NR2F2: variants seen among roughly 807,000 people sequenced by gnomAD.
NR2F2 encodes nuclear receptor subfamily 2 group F member 2, also known as COUP transcription factor 2.
NR2F2 carries 2 observed loss-of-function variants against 34.8 expected under a neutral mutation model. That is an observed-to-expected ratio of 0.06 (90% CI 0.02 to 0.18). The LOEUF (loss-of-function observed/expected upper bound fraction) is 0.18. Among genes scored for constraint, NR2F2 ranks in the 10% least tolerant of loss-of-function variants. The probability of loss-of-function intolerance (pLI) is 1.00; values close to 1 mark genes in which losing one functional copy is unlikely to be tolerated. For synonymous variants in NR2F2, 274 were observed against 251.8 expected, an observed-to-expected ratio of 1.09 and a Z score of -0.84; for missense variants, 300 against 580.1, an observed-to-expected ratio of 0.52 and a Z score of 4.96.
chr15:96,331,227 G>C lies in NR2F2; in HGVS notation c.-879G>C, dbSNP rs1428656779. The C allele has an allele frequency of 1.0e-6, 1 of 982,386 alleles. No individual in the cohort carries two copies. The highest frequency in any genetic ancestry group is 1.8e-5 in the African/African-American group (1 of 56,294). 60.9% of individuals were successfully genotyped at this position (982,386 alleles called of 1,614,324 possible). A position where few individuals can be genotyped will look rare whatever the true frequency, so the allele number is the denominator to read the frequency against. ...GAACGGCGAGCGGCCTCCACCCAGC[G>C]ACTGCGGGCGGCGGCGGCCGGAGAG... On this transcript the variant is annotated 5_prime_UTR_variant, in exon 1 of 3. Coordinates refer to ENST00000394166, the MANE Select transcript of NR2F2 (RefSeq NM_021005.4).
In NR2F2 at chr15:96,340,132, G is replaced by A. The variant is rs955491816; in HGVS notation, c.*2510G>A. 1 of 152,214 alleles carries A rather than the reference G, an allele frequency of 6.6e-6. No homozygotes were observed. The highest frequency in any genetic ancestry group is 1.5e-5 in the Non-Finnish European group (1 of 68,044). The allele number at this position is 152,214 out of a possible 1,614,324, so 9.4% of individuals were successfully genotyped here. A position where few individuals can be genotyped will look rare whatever the true frequency, so the allele number is the denominator to read the frequency against. ...GCAAGTGCTATCCATGTGAGTGTGTGAAGTTTCTCTAATAAGTAAAACACA... is the reference window on the plus strand; with the variant it reads ...GCAAGTGCTATCCATGTGAGTGTGTAAAGTTTCTCTAATAAGTAAAACACA... On this transcript the variant is annotated 3_prime_UTR_variant, in exon 3 of 3. Coordinates refer to ENST00000394166, the MANE Select transcript of NR2F2 (RefSeq NM_021005.4).
chr15:96,333,987 G>T (rs1026974593), intron 1 of NR2F2, 89 bp from the exon 2 acceptor site: 2 of 1,543,984 alleles, frequency 1.3e-6, no homozygotes, highest in East Asian at 2.3e-5. Context: ...CCTGGGTCAG[G>T]TGGGGGTCGG....
Position 96,330,842 on chromosome 15 carries a change from TCTCCTC to T in NR2F2, c.-1257_-1252del, listed in dbSNP as rs955177766. 4 of 1,154,264 alleles carry T rather than the reference TCTCCTC, an allele frequency of 3.5e-6. No individual in the cohort carries two copies. The highest frequency in any genetic ancestry group is 4.3e-6 in the Non-Finnish European group (4 of 937,498). 71.5% of individuals were successfully genotyped at this position (1,154,264 alleles called of 1,614,324 possible). A position where few individuals can be genotyped will look rare whatever the true frequency, so the allele number is the denominator to read the frequency against. Reference sequence around the variant, plus strand: ...CGTGCGCGCGTGTGTGTTTTCTTCTTCTCCTCCTCCTCTCCCCGAGTTGCCTCCTTT... The same window carrying T: ...CGTGCGCGCGTGTGTGTTTTCTTCTTCTCCTCTCCCCGAGTTGCCTCCTTT... On this transcript the variant is annotated 5_prime_UTR_variant, in exon 1 of 3. Transcript: ENST00000394166.
rs1899117142 is a variant in NR2F2 at position 96,330,924 on chromosome 15, C to T, written c.-1182C>T. ...CCCCTCTTTCATTCTTTCTCTCCGT[C>T]TTTTTCTCCCCCCTCTGCGCACGAA... is the stretch of plus-strand genomic sequence containing the variant. On this transcript the variant is annotated 5_prime_UTR_variant, in exon 1 of 3. Coordinates refer to ENST00000394166, the MANE Select transcript of NR2F2 (RefSeq NM_021005.4). The T allele has an allele frequency of 8.8e-7, 1 of 1,132,290 alleles. No homozygotes were observed. The highest frequency in any genetic ancestry group is 1.1e-6 in the Non-Finnish European group (1 of 922,654). 70.1% of individuals were successfully genotyped at this position (1,132,290 alleles called of 1,614,324 possible).
chr15:96,331,791 C>T lies in NR2F2; in HGVS notation c.-315C>T. 1 of 1,201,372 alleles carries T rather than the reference C, an allele frequency of 8.3e-7. No individual in the cohort carries two copies. Among genetic ancestry groups the T allele is most frequent in the Non-Finnish European group, 1.0e-6 (1 of 967,470 alleles). 74.4% of individuals were successfully genotyped at this position (1,201,372 alleles called of 1,614,324 possible). On this transcript the variant is annotated 5_prime_UTR_variant, in exon 1 of 3. Coordinates refer to ENST00000394166, the MANE Select transcript of NR2F2 (RefSeq NM_021005.4). The stretch of plus-strand genomic sequence containing the variant: ...CCACGTTCTGCTCCCACTCGCTCTC[C>T]TGTCCCCTTCCCCTCCCCTCCCGGC...
chr15:96,333,963 T>TG, intron 1 of NR2F2, 113 bp from the exon 2 acceptor site: 1 of 1,518,550 alleles, frequency 6.6e-7, no homozygotes, highest in South Asian at 1.3e-5. Flanking sequence ...GCCTGGTTCT[T>TG]GCGCTGCTCA....
upstream of NR2F2, chr15:96,327,005 CCT>C (rs1231747548): frequency 1.3e-5 from 2 of 152,588 alleles, no homozygotes; most frequent in South Asian, 2.1e-4. Context: ...CAAACGTTTA[CCT>C]TTTTGCTGTC....
At chr15:96,335,475 C>T (rs927661051) in intron 2 of NR2F2, among the ~76,000 whole-genome samples, 132 of 152,208 alleles carry the variant, frequency 8.7e-4, no homozygotes, top group African/African-American at 3.0e-3. Flanking sequence ...TGGGCCACAC[C>T]TGAGCTTTTT....
At chr15:96,336,368 T>C (rs940984595) in intron 2 of NR2F2, among the ~76,000 whole-genome samples, 5 of 152,180 alleles carry the variant, frequency 3.3e-5, no homozygotes, top group Non-Finnish European at 5.9e-5. Flanking sequence ...CTACATTCTG[T>C]AGACATGCAG....
chr15:96,335,472 C>T (rs1899297097), intron 2 of NR2F2, among the ~76,000 whole-genome samples: 1 of 152,238 alleles, frequency 6.6e-6, no homozygotes. Context: ...TTTTGGGCCA[C>T]ACCTGAGCTT....
rs1899253576 is a variant in NR2F2, at chr15:96,334,312, G to A, written c.679G>A (p.Ala227Thr). ...GATGCTCTTCAGCGCCGTCGAGTGG[G>A]CCCGGAACATCCCCTTCTTCCCCGA... ...ARMLFSAVEW[A>T]RNIPFFPDLQ... The change falls in exon 2 of 3, where the codon GCC (alanine) becomes ACC (threonine). Residue 227 changes from alanine to threonine, a missense_variant. By Grantham distance (58) the Ala-to-Thr change is moderately conservative (BLOSUM62 0). Around this residue, in one of 6 missense-constraint regions of NR2F2, gnomAD observed 164 missense variants for 365.3 expected, o/e 0.45. Coordinates refer to ENST00000394166, the MANE Select transcript of NR2F2 (RefSeq NM_021005.4). 1 of 1,614,222 alleles carries A rather than the reference G, an allele frequency of 6.2e-7. No individual in the cohort carries two copies. The highest frequency in any genetic ancestry group is 1.3e-5 in the African/African-American group (1 of 75,060).
Position 96,337,512 on chromosome 15 carries a change from G to A in NR2F2, c.1135G>A (p.Glu379Lys), listed in dbSNP as rs748445200. 1 of 1,613,956 alleles carries A rather than the reference G, an allele frequency of 6.2e-7. No homozygotes were observed. Among genetic ancestry groups the A allele is most frequent in the Non-Finnish European group, 8.5e-7 (1 of 1,180,032 alleles). Residue 379 changes from glutamate (E) to lysine (K), a missense_variant, in exon 3 of 3, where the codon GAG becomes AAG. Physicochemically the swap from Glu to Lys is moderately conservative, Grantham distance 56. This residue lies in a region of NR2F2 where 164 missense variants were observed against 365.3 expected (regional missense o/e 0.45). Transcript: ENST00000394166. The stretch of plus-strand genomic sequence containing the variant: ...CCGCACCGTCTCCTCCTCAGTCATA[G>A]AGCAATTGTTTTTCGTCCGTTTGGT... Reference protein sequence around the residue: ...SLRTVSSSVIEQLFFVRLVGK... With the variant: ...SLRTVSSSVIKQLFFVRLVGK...
At position 96,334,554 on chromosome 15, in the gene NR2F2, T is replaced by C. The variant is rs1047537158; in HGVS notation, c.921T>C (p.Val307=). 2.5e-6 allele frequency: 4 copies of C among 1,612,988 alleles called. No homozygotes were observed. The African/African-American group carries it at 4.0e-5, about 16-fold the overall frequency. ...TGGAGAAGCTCAAGGCGCTGCACGT[T>C]GACTCAGCCGAGTACAGCTGCCTCA... ...EQVEKLKALH[V]DSAEYSCLKA... The change falls in exon 2 of 3, where the codon GTT becomes GTC. Residue 307 remains valine (V), a synonymous_variant. Transcript: ENST00000394166.
intron 2 of NR2F2, among the ~76,000 whole-genome samples, chr15:96,335,407 A>C (rs1014699409): frequency 1.3e-5 from 2 of 152,252 alleles, no homozygotes; most frequent in Non-Finnish European, 2.9e-5. Flanking sequence ...TGAGTAATAG[A>C]GCTGATACTA....
At chr15:96,326,652 A>G (rs989580210), upstream of NR2F2, among the ~76,000 whole-genome samples, 3 of 152,060 alleles carry the variant, frequency 2.0e-5, no homozygotes, top group Non-Finnish European at 4.4e-5. The surrounding 1 kb of genome is among the most constrained non-coding windows in gnomAD (Gnocchi z 5.5). Context: ...GGAGCCTCCT[A>G]TCTCCTCGTC....
rs1222251014 is a variant in NR2F2 at position 96,332,049 on chromosome 15, G to C, written c.-57G>C. Reference sequence around the variant, plus strand: ...GCCCGAGACCCGGGGAGCCGCCGCCGCCCCGCCGCCGCCCGCAGCCAGGGG... The same window carrying C: ...GCCCGAGACCCGGGGAGCCGCCGCCCCCCCGCCGCCGCCCGCAGCCAGGGG... On this transcript the variant is annotated 5_prime_UTR_variant, in exon 1 of 3. Transcript: ENST00000394166. 4 of 1,246,210 alleles carry C rather than the reference G, an allele frequency of 3.2e-6. No homozygotes were observed. In the African/African-American group the frequency reaches 6.3e-5, roughly 20 times the overall value. 77.2% of individuals were successfully genotyped at this position (1,246,210 alleles called of 1,614,324 possible).
rs1899121117 is a variant in NR2F2 at position 96,331,015 on chromosome 15, C to G, written c.-1091C>G. ...TTTATCATTTCTCCCCCGCCGCCGG[C>G]GAGTTGACTCTTTCCCTATGTGTGT... On this transcript the variant is annotated 5_prime_UTR_variant, in exon 1 of 3. Coordinates refer to ENST00000394166, the MANE Select transcript of NR2F2 (RefSeq NM_021005.4). 8.2e-7 allele frequency: 1 copy of G among 1,225,040 alleles called. No homozygotes were observed. Among genetic ancestry groups the G allele is most frequent in the South Asian group, 4.1e-5 (1 of 24,384 alleles). 75.9% of individuals were successfully genotyped at this position (1,225,040 alleles called of 1,614,324 possible).
intron 2 of NR2F2, among the ~76,000 whole-genome samples, chr15:96,336,155 A>G (rs1350819773): frequency 7.2e-6 from 1 of 139,150 alleles, no homozygotes; most frequent in Non-Finnish European, 1.5e-5. Flanking sequence ...TCTTTCAAGG[A>G]AAAAAAAATG....
In NR2F2 at chr15:96,334,611, G is replaced by C. The variant is rs779773617; in HGVS notation, c.970+8G>C. The C allele has an allele frequency of 6.3e-7, 1 of 1,582,388 alleles. No homozygotes were observed. ...TAGTCCTGTTCACCTCAGGTAGGAA[G>C]GAGCCCTGTCTTCTCGTGCCCACGG... On this transcript the variant is annotated splice_region_variant and intron_variant, in intron 2 of 2. Coordinates refer to ENST00000394166, the MANE Select transcript of NR2F2 (RefSeq NM_021005.4).
Sources: gnomAD v4.1 joint callset for allele counts (sites outside exome capture counted in the v4.1 genomes callset) on GRCh38, gnomAD v4.1.1 for gene constraint, gnomAD v4.1.1 regional missense constraint, Gnocchi (gnomAD v3.1) non-coding constraint, MANE v1.5 for transcripts, NCBI Gene and HGNC (gene_info 2026-07-23, HGNC 2026-07-21) for gene names.